CRY1: variants seen among roughly 807,000 people sequenced by gnomAD.
CRY1 encodes the protein cryptochrome circadian regulator 1, also known as cryptochrome-1.
A neutral mutation model predicts 76.0 loss-of-function variants in CRY1; 45 were observed. The observed-to-expected ratio is 0.59, with a 90% CI of 0.47 to 0.76. The LOEUF (loss-of-function observed/expected upper bound fraction) is 0.76. Ranked by LOEUF, CRY1 falls within the 30% of genes least tolerant of loss-of-function variation. The pLI is 0.00. For synonymous variants in CRY1, 248 were observed against 244.0 expected, an observed-to-expected ratio of 1.02 and a Z score of -0.15; for missense variants, 587 against 716.4, an observed-to-expected ratio of 0.82 and a Z score of 2.06.
chr12:107,013,967 T>C (rs1397942477), intron 2 of CRY1, among the ~76,000 whole-genome samples: 4 of 152,230 alleles, frequency 2.6e-5, no homozygotes, highest in Non-Finnish European at 5.9e-5. Context: ...TATTGGATGG[T>C]ACTGCTCTAA....
At chr12:107,046,340 C>T (rs939300854) in intron 1 of CRY1, among the ~76,000 whole-genome samples, 3 of 149,982 alleles carry the variant, frequency 2.0e-5, no homozygotes, top group Non-Finnish European at 4.4e-5. Context: ...AACACAAAGA[C>T]AATAATCACT....
chr12:107,046,081 T>G (rs944792335), intron 1 of CRY1, among the ~76,000 whole-genome samples: 2 of 150,896 alleles, frequency 1.3e-5, no homozygotes, highest in Admixed American at 6.6e-5. Context: ...GAGCCGAGAT[T>G]GCACCACTGC....
chr12:107,026,286 C>T (rs1952615264), intron 1 of CRY1, among the ~76,000 whole-genome samples: 1 of 149,196 alleles, frequency 6.7e-6, no homozygotes, highest in South Asian at 2.1e-4. Flanking sequence ...GGCTGGAGTG[C>T]AGTGGCACGA....
chr12:107,062,025 C>T (rs111997618), intron 1 of CRY1, among the ~76,000 whole-genome samples: 1 of 93,558 alleles, frequency 1.1e-5, no homozygotes, highest in Admixed American at 1.2e-4. Context: ...GACCCTGTCT[C>T]AAAAAAAAAA....
chr12:107,018,539 A>G (rs192862891), intron 2 of CRY1, among the ~76,000 whole-genome samples: 1 of 152,340 alleles, frequency 6.6e-6, no homozygotes, highest in Non-Finnish European at 1.5e-5. Context: ...GTGAGCCAAG[A>G]CAGCACTACT....
intron 1 of CRY1, among the ~76,000 whole-genome samples, chr12:107,042,770 C>G (rs546252802): frequency 6.6e-6 from 1 of 152,086 alleles, no homozygotes. Flanking sequence ...GATGGCCACA[C>G]GGAGAATGGA....
intron 1 of CRY1, among the ~76,000 whole-genome samples, chr12:107,081,031 CAA>C (rs966533658): frequency 6.6e-6 from 1 of 151,932 alleles, no homozygotes; most frequent in African/African-American, 2.4e-5. Flanking sequence ...AAAAAATGAG[CAA>C]AGTCTTTGAA....
intron 2 of CRY1, among the ~76,000 whole-genome samples, chr12:107,007,002 A>T (rs1049619042): frequency 4.6e-5 from 7 of 152,104 alleles, no homozygotes; most frequent in East Asian, 3.9e-4. Context: ...CTCATTAAAA[A>T]TTTTTTCCTT....
intron 1 of CRY1, among the ~76,000 whole-genome samples, chr12:107,082,406 C>A (rs920600641): frequency 6.6e-6 from 1 of 152,118 alleles, no homozygotes; most frequent in Admixed American, 6.5e-5. Flanking sequence ...TCTTCTCACA[C>A]CACATAGCAC....
intron 1 of CRY1, among the ~76,000 whole-genome samples, chr12:107,042,617 C>T (rs903902749): frequency 1.3e-5 from 2 of 152,088 alleles, no homozygotes; most frequent in African/African-American, 4.8e-5. Context: ...AGTAAGATGG[C>T]CAACTGGAAG....
Position 107,022,120 on chromosome 12 carries a change from A to G in CRY1, c.231T>C (p.Arg77=), listed in dbSNP as rs1952565518. The change falls in exon 2 of 13, where the codon CGT becomes CGC. Residue 77 remains arginine, a synonymous_variant. Transcript: ENST00000008527. ...RKLNSRLFVI[R]GQPADVFPRL... ...TGGGAAACACATCTGCTGGTTGTCC[A>G]CGAATCACAAACAGACGGGAGTTTA... 1.2e-6 allele frequency: 2 copies of G among 1,605,754 alleles called. No individual in the cohort carries two copies. Among genetic ancestry groups the G allele is most frequent in the Non-Finnish European group, 1.7e-6 (2 of 1,175,774 alleles).
intron 1 of CRY1, among the ~76,000 whole-genome samples, chr12:107,084,006 C>A (rs1210776960): frequency 1.3e-5 from 2 of 152,160 alleles, no homozygotes; most frequent in African/African-American, 4.8e-5. Flanking sequence ...GATACAAAAT[C>A]AATCAGCAAA....
At chr12:106,996,296 T>C (rs1293293204) in intron 10 of CRY1, among the ~76,000 whole-genome samples, 1 of 152,220 alleles carries the variant, frequency 6.6e-6, no homozygotes, top group Admixed American at 6.5e-5. Context: ...GCAAAGAACA[T>C]GATCTCGTTC....
intron 1 of CRY1, among the ~76,000 whole-genome samples, chr12:107,069,159 C>T (rs933649835): frequency 1.5e-4 from 23 of 151,840 alleles, no homozygotes; most frequent in African/African-American, 5.6e-4. Flanking sequence ...CTATTTTATT[C>T]TCTCACCAGC....
At chr12:107,063,119 G>A (rs981664733) in intron 1 of CRY1, among the ~76,000 whole-genome samples, 2 of 152,100 alleles carry the variant, frequency 1.3e-5, no homozygotes, top group African/African-American at 2.4e-5. Flanking sequence ...GAAGATCTTG[G>A]ATTAAGAAGA....
At chr12:107,091,232 G>A (rs1953468524) in intron 1 of CRY1, among the ~76,000 whole-genome samples, 1 of 152,046 alleles carries the variant, frequency 6.6e-6, no homozygotes, top group Admixed American at 6.5e-5. Context: ...TATTAATAGA[G>A]ACAGGGTTTT....
chr12:107,022,218 A>C, intron 1 of CRY1, 26 bp from the exon 2 acceptor site: 1 of 1,324,906 alleles, frequency 7.5e-7, no homozygotes, highest in Non-Finnish European at 1.0e-6. Context: ...TATTATTTAA[A>C]TTATTAAAAA....
chr12:107,002,890 G>GT lies in CRY1; in HGVS notation c.411-943dup, dbSNP rs575484303. On this transcript the variant is annotated intron_variant, in intron 3 of 12. Transcript: ENST00000008527. Reference sequence around the variant, plus strand: ...TCCCTCCTTGCCTGCTGTCATCCATGTAAGACATGACTTGCTCCTCCTTGC... The same window carrying GT: ...TCCCTCCTTGCCTGCTGTCATCCATGTTAAGACATGACTTGCTCCTCCTTGC... Among the ~76,000 whole-genome samples the GT allele has an allele frequency of 6.6e-5, 10 of 152,270 alleles. No individual in the cohort carries two copies. In the South Asian group the frequency reaches 2.1e-3, roughly 32 times the overall value.
rs1952287393 is a variant in CRY1, at chr12:107,000,067, A to C, written c.700T>G (p.Phe234Val). 1.2e-6 allele frequency: 2 copies of C among 1,601,318 alleles called. No homozygotes were observed. Among genetic ancestry groups the C allele is most frequent in the Admixed American group, 3.5e-5 (2 of 56,624 alleles). The change falls in exon 6 of 13, where the codon TTT becomes GTT. Residue 234 changes from phenylalanine (F) to valine (V), a missense_variant. Transcript: ENST00000008527. ...HLERKAWVAN[F>V]ERPRMNANSL... ...TTCGCATTCATTCGAGGTCTTTCAAAATTTGCCACCCAAGCCTGAAAACAC... is the reference window on the plus strand; with the variant it reads ...TTCGCATTCATTCGAGGTCTTTCAACATTTGCCACCCAAGCCTGAAAACAC...
Sources: allele counts gnomAD v4.1 joint callset (sites outside exome capture counted in the v4.1 genomes callset), GRCh38; gene constraint gnomAD v4.1.1; transcripts MANE v1.5; gene names NCBI Gene and HGNC (gene_info 2026-07-23, HGNC 2026-07-21).